Variants in CACNA1C observed in about 807,000 individuals in gnomAD.
CACNA1C encodes the protein voltage-dependent L-type calcium channel subunit alpha-1C.
In CACNA1C, 30 loss-of-function variants were observed where a neutral mutation model predicts 229.0. The observed-to-expected ratio is 0.13, with a 90% CI of 0.10 to 0.18. The LOEUF (loss-of-function observed/expected upper bound fraction) is 0.18, where lower values mean the gene tolerates loss of function less well. Ranked by LOEUF, CACNA1C falls within the 10% of genes least tolerant of loss-of-function variation. CACNA1C has a pLI of 1.00. For missense variants in CACNA1C, 1,658 were observed against 2,845.0 expected, an observed-to-expected ratio of 0.58 and a Z score of 9.49; for synonymous variants, 1,114 against 1,132.5, an observed-to-expected ratio of 0.98 and a Z score of 0.33.
chr12:2,091,790 T>G (rs1276580598), intron 1 of CACNA1C, among the ~76,000 whole-genome samples: 2 of 152,196 alleles, frequency 1.3e-5, no homozygotes, highest in East Asian at 1.9e-4. Context: ...GCATCTTTTG[T>G]AGGGAGGGTT....
At chr12:2,171,900 C>T (rs1410888857) in intron 3 of CACNA1C, among the ~76,000 whole-genome samples, 5 of 152,082 alleles carry the variant, frequency 3.3e-5, no homozygotes, top group East Asian at 1.9e-4. Context: ...TCTGGGAGGA[C>T]GGCCACTATG....
At chr12:2,210,140 G>A (rs925519267) in intron 3 of CACNA1C, among the ~76,000 whole-genome samples, 2 of 152,180 alleles carry the variant, frequency 1.3e-5, no homozygotes, top group Admixed American at 6.5e-5. Flanking sequence ...AAGGAAGGAA[G>A]GACAGAGAGG....
At chr12:2,558,584 G>A (rs2045809849) in intron 11 of CACNA1C, among the ~76,000 whole-genome samples, 1 of 152,210 alleles carries the variant, frequency 6.6e-6, no homozygotes, top group Non-Finnish European at 1.5e-5. Context: ...CACAACCTCT[G>A]TAACAGCCAG....
intron 1 of CACNA1C, among the ~76,000 whole-genome samples, chr12:1,996,639 AAAAAAAAAAAAAAAAACAAC>A (rs2040911122): frequency 5.1e-5 from 6 of 117,118 alleles, no homozygotes; most frequent in African/African-American, 1.0e-4. Flanking sequence ...AAAAAAAAAA[AAAAAAAAAAAAAAAAACAAC>A]AAACTCTTCT....
chr12:2,345,589 A>G (rs975531761), intron 3 of CACNA1C, among the ~76,000 whole-genome samples: 2 of 152,216 alleles, frequency 1.3e-5, no homozygotes, highest in African/African-American at 4.8e-5. Flanking sequence ...AAACTTCTCT[A>G]AAATTGTAGC....
intron 3 of CACNA1C, among the ~76,000 whole-genome samples, chr12:2,328,774 G>A (rs1470559670): frequency 6.6e-6 from 1 of 152,174 alleles, no homozygotes; most frequent in Admixed American, 6.5e-5. Context: ...GCTTCAATTA[G>A]CAAGTCATTT....
At chr12:2,355,692 T>C (rs1455068057) in intron 3 of CACNA1C, among the ~76,000 whole-genome samples, 1 of 152,196 alleles carries the variant, frequency 6.6e-6, no homozygotes, top group African/African-American at 2.4e-5. Flanking sequence ...AGCTATGGCT[T>C]GCAATGGGGG....
intron 3 of CACNA1C, among the ~76,000 whole-genome samples, chr12:2,174,124 C>T (rs531820586): frequency 1.8e-4 from 28 of 152,008 alleles, no homozygotes; most frequent in African/African-American, 5.1e-4. Context: ...AGGAGGCAGA[C>T]GAGAGGGACA....
intron 3 of CACNA1C, among the ~76,000 whole-genome samples, chr12:2,238,311 A>G (rs1385510873): frequency 6.6e-6 from 1 of 152,234 alleles, no homozygotes; most frequent in Non-Finnish European, 1.5e-5. Context: ...GTGCTGGACC[A>G]TATATAGACA....
intron 18 of CACNA1C, among the ~76,000 whole-genome samples, chr12:2,589,557 C>T (rs1344840850): frequency 2.0e-5 from 3 of 152,270 alleles, no homozygotes; most frequent in Middle Eastern, 3.4e-3. Context: ...GGCGAGAGGC[C>T]GGGGCAGGGC....
intron 34 of CACNA1C, among the ~76,000 whole-genome samples, chr12:2,662,234 C>G (rs530588148): frequency 1.9e-5 from 2 of 106,788 alleles, no homozygotes; most frequent in South Asian, 8.0e-4. Flanking sequence ...AGAGAAAGAC[C>G]CCATCTCAAA....
chr12:2,127,519 A>G (rs2090568322), intron 3 of CACNA1C, among the ~76,000 whole-genome samples: 1 of 152,250 alleles, frequency 6.6e-6, no homozygotes, highest in South Asian at 2.1e-4. Context: ...TATAAAATAC[A>G]CTAATAGATA....
At chr12:2,542,585 A>G (rs139242523) in intron 9 of CACNA1C, among the ~76,000 whole-genome samples, 1 of 152,140 alleles carries the variant, frequency 6.6e-6, no homozygotes, top group South Asian at 2.1e-4. Flanking sequence ...TGCTAACCCA[A>G]ACACCAAGGA....
chr12:2,006,994 C>T (rs116625684), intron 1 of CACNA1C, among the ~76,000 whole-genome samples: 5,534 of 152,282 alleles, frequency 0.036, 127 homozygotes, highest in Middle Eastern at 0.044. Context: ...GACTAGACAA[C>T]TTTCCATGTT....
rs533270081 is a variant in CACNA1C, at chr12:2,632,388, G to A, written c.3829-1909G>A. Among the ~76,000 whole-genome samples, 11 of 151,984 alleles carry A rather than the reference G, an allele frequency of 7.2e-5. No homozygotes were observed. The South Asian group carries it at 1.0e-3, about 14-fold the overall frequency. On this transcript the variant is annotated intron_variant, in intron 29 of 46. Coordinates refer to ENST00000399655, the MANE Select transcript of CACNA1C (RefSeq NM_000719.7). The surrounding 1 kb of genome is among the most constrained non-coding windows in gnomAD (Gnocchi z 4.1). ...TGCACCCATTCAGTCACAGAACATC[G>A]CTGTGCAGGCCCCTACACCTCCTAC...
intron 3 of CACNA1C, among the ~76,000 whole-genome samples, chr12:2,150,437 T>C (rs2095135964): frequency 6.6e-6 from 1 of 152,136 alleles, no homozygotes; most frequent in Non-Finnish European, 1.5e-5. Flanking sequence ...ATAAGCTTCA[T>C]GCACCCAGAA....
chr12:2,511,661 C>G (rs1400963183), intron 8 of CACNA1C, among the ~76,000 whole-genome samples: 2 of 152,120 alleles, frequency 1.3e-5, no homozygotes, highest in Non-Finnish European at 2.9e-5. Flanking sequence ...CAAAAATACT[C>G]CCCTATGCCT....
intron 9 of CACNA1C, among the ~76,000 whole-genome samples, chr12:2,525,514 T>A (rs2099817081): frequency 6.6e-6 from 1 of 152,166 alleles, no homozygotes; most frequent in African/African-American, 2.4e-5. Flanking sequence ...TGCTCCTTGG[T>A]GGGATCCCTG....
At chr12:2,617,972 C>T (rs1471458053) in intron 29 of CACNA1C, among the ~76,000 whole-genome samples, 6 of 152,374 alleles carry the variant, frequency 3.9e-5, no homozygotes, top group South Asian at 2.1e-4. Flanking sequence ...AAATAGCTTT[C>T]GTCACATGAC....
Sources: gnomAD v4.1 joint callset for allele counts (sites outside exome capture counted in the v4.1 genomes callset) on GRCh38, gnomAD v4.1.1 for gene constraint, Gnocchi (gnomAD v3.1) non-coding constraint, MANE v1.5 for transcripts, NCBI Gene and HGNC (gene_info 2026-07-23, HGNC 2026-07-21) for gene names.